Variants in COX7B2 observed in about 807,000 individuals in gnomAD.
COX7B2 encodes the protein cytochrome c oxidase subunit 7B2, also known as cytochrome c oxidase subunit 7B2, mitochondrial.
For missense variants in COX7B2, 109 were observed against 95.9 expected (o/e 1.14, Z -0.57); for synonymous variants, 37 against 32.1 (o/e 1.15, Z -0.51).
chr4:46,809,686 A>G (rs945385512), intron 2 of COX7B2, among the ~76,000 whole-genome samples: 1 of 151,846 alleles, frequency 6.6e-6, no homozygotes, highest in African/African-American at 2.4e-5. Flanking sequence ...ATCACCTAAC[A>G]TTGTTTCATG....
intron 1 of COX7B2, among the ~76,000 whole-genome samples, chr4:46,894,048 T>C (rs1719601960): frequency 6.6e-6 from 1 of 152,126 alleles, no homozygotes; most frequent in African/African-American, 2.4e-5. Context: ...CTCATACTCA[T>C]GAATATGAAG....
In COX7B2 at chr4:46,896,823, T is replaced by C. The variant is rs558635593; in HGVS notation, c.-105+12337A>G. ...AGACAAAACTGAAAGAGAAGGAGAATGTGCTTTATCATCTGTAGCTGAATT... is the reference window on the plus strand; with the variant it reads ...AGACAAAACTGAAAGAGAAGGAGAACGTGCTTTATCATCTGTAGCTGAATT... On this transcript the variant is annotated intron_variant, in intron 1 of 2. Coordinates refer to ENST00000355591, the MANE Select transcript of COX7B2 (RefSeq NM_130902.3). Among the ~76,000 whole-genome samples the C allele has an allele frequency of 1.7e-4, 26 of 152,320 alleles. No homozygotes were observed. In the Middle Eastern group the frequency reaches 0.01, roughly 60 times the overall value.
chr4:46,857,127 C>G (rs753307995), intron 1 of COX7B2, among the ~76,000 whole-genome samples: 13 of 152,172 alleles, frequency 8.5e-5, no homozygotes, highest in Non-Finnish European at 1.6e-4. Context: ...GTTAAGGGCA[C>G]AGAACTGGAG....
At chr4:46,886,856 G>T (rs1191365408) in intron 1 of COX7B2, among the ~76,000 whole-genome samples, 1 of 152,144 alleles carries the variant, frequency 6.6e-6, no homozygotes, top group Non-Finnish European at 1.5e-5. Flanking sequence ...CCTTTTCACA[G>T]ATTTAAGGAA....
chr4:46,847,032 G>A (rs892766644), intron 1 of COX7B2, among the ~76,000 whole-genome samples: 8 of 152,140 alleles, frequency 5.3e-5, no homozygotes, highest in Middle Eastern at 6.8e-3. Flanking sequence ...CTATACTGGT[G>A]TGAAGTTTGA....
At chr4:46,761,356 T>G (rs1716134341) in intron 2 of COX7B2, among the ~76,000 whole-genome samples, 1 of 152,138 alleles carries the variant, frequency 6.6e-6, no homozygotes, top group Non-Finnish European at 1.5e-5. Flanking sequence ...AGGTATCCAT[T>G]AAAGAGCTGG....
chr4:46,860,272 C>T (rs757374645), intron 1 of COX7B2, among the ~76,000 whole-genome samples: 13 of 152,158 alleles, frequency 8.5e-5, no homozygotes, highest in Non-Finnish European at 1.6e-4. Context: ...CACCAAATAC[C>T]TACTAACACT....
intron 2 of COX7B2, among the ~76,000 whole-genome samples, chr4:46,814,964 T>A (rs546196514): frequency 3.9e-5 from 6 of 152,050 alleles, no homozygotes; most frequent in African/African-American, 1.4e-4. Context: ...AGTGGGCGAA[T>A]CACTTCAGGC....
chr4:46,895,447 A>C (rs1452115311), intron 1 of COX7B2, among the ~76,000 whole-genome samples: 1 of 152,188 alleles, frequency 6.6e-6, no homozygotes, highest in Non-Finnish European at 1.5e-5. Context: ...ATGAGAACTC[A>C]TGGGCACAAA....
chr4:46,871,810 T>TA (rs1035660567), intron 1 of COX7B2, among the ~76,000 whole-genome samples: 8 of 151,330 alleles, frequency 5.3e-5, no homozygotes, highest in Admixed American at 6.6e-5. Context: ...AAATGGCTAT[T>TA]AAAAAAAATA....
intron 2 of COX7B2, among the ~76,000 whole-genome samples, chr4:46,816,466 C>A (rs1373217742): frequency 6.6e-6 from 1 of 152,110 alleles, no homozygotes; most frequent in East Asian, 1.9e-4. Flanking sequence ...TGGTACTTTA[C>A]TCATAACTCT....
intron 1 of COX7B2, among the ~76,000 whole-genome samples, chr4:46,883,653 G>A (rs911436986): frequency 4.6e-5 from 7 of 151,960 alleles, no homozygotes; most frequent in African/African-American, 1.7e-4. Flanking sequence ...TGGGAGGATT[G>A]CTTGAACCTG....
intron 2 of COX7B2, among the ~76,000 whole-genome samples, chr4:46,815,102 C>G (rs1042923143): frequency 6.6e-6 from 1 of 151,368 alleles, no homozygotes; most frequent in Non-Finnish European, 1.5e-5. Context: ...AGGAGAATTG[C>G]TTGAGCCCGG....
At chr4:46,791,300 T>C (rs6830787) in intron 2 of COX7B2, among the ~76,000 whole-genome samples, 52,562 of 151,588 alleles carry the variant, frequency 0.35, 9,241 homozygotes, top group South Asian at 0.48. Context: ...TGAGCCACCG[T>C]GCCCAGCAAC....
At chr4:46,750,305 G>A (rs952550084) in intron 2 of COX7B2, among the ~76,000 whole-genome samples, 2 of 151,870 alleles carry the variant, frequency 1.3e-5, no homozygotes, top group African/African-American at 4.8e-5. Flanking sequence ...GAGGTGGAAG[G>A]ATTGCTTGAG....
chr4:46,736,388 G>A (rs1178266697), intron 2 of COX7B2, among the ~76,000 whole-genome samples: 1 of 152,100 alleles, frequency 6.6e-6, no homozygotes, highest in Non-Finnish European at 1.5e-5. Flanking sequence ...ACAGGCATTT[G>A]GGAAGAGAAA....
At chr4:46,805,435 A>G (rs1284738567) in intron 2 of COX7B2, among the ~76,000 whole-genome samples, 1 of 152,252 alleles carries the variant, frequency 6.6e-6, no homozygotes, top group Non-Finnish European at 1.5e-5. Context: ...AGACTATGTT[A>G]TAGATGGGAG....
chr4:46,895,280 A>G (rs1189108796), intron 1 of COX7B2, among the ~76,000 whole-genome samples: 1 of 152,244 alleles, frequency 6.6e-6, no homozygotes, highest in Non-Finnish European at 1.5e-5. Flanking sequence ...AATGTGGTAC[A>G]TATACACCAC....
intron 2 of COX7B2, among the ~76,000 whole-genome samples, chr4:46,739,813 C>T (rs1416690197): frequency 1.3e-5 from 2 of 151,910 alleles, no homozygotes; most frequent in Non-Finnish European, 2.9e-5. Context: ...GCAACAAATG[C>T]CCAACAGATG....
Sources: gnomAD v4.1 joint callset for allele counts (sites outside exome capture counted in the v4.1 genomes callset) on GRCh38, gnomAD v4.1.1 for gene constraint, MANE v1.5 for transcripts, NCBI Gene and HGNC (gene_info 2026-07-23, HGNC 2026-07-21) for gene names.